R3HDM1: variants seen among roughly 807,000 people sequenced by gnomAD.
R3HDM1 encodes R3H domain containing 1, also known as R3H domain-containing protein 1.
In R3HDM1, 46 loss-of-function variants were observed where a neutral mutation model predicts 141.1. That is an observed-to-expected ratio of 0.33 (90% CI 0.26 to 0.42). The LOEUF (loss-of-function observed/expected upper bound fraction) is 0.42, where lower values mean the gene tolerates loss of function less well. Among genes scored for constraint, R3HDM1 ranks in the 10% least tolerant of loss-of-function variants. The probability of loss-of-function intolerance (pLI) is 1.00; values close to 1 mark genes in which losing one functional copy is unlikely to be tolerated. For synonymous variants in R3HDM1, 435 were observed against 472.9 expected, an observed-to-expected ratio of 0.92 and a Z score of 1.04; for missense variants, 1,184 against 1,368.3, an observed-to-expected ratio of 0.87 and a Z score of 2.12.
At chr2:135,619,021 C>CA (rs34537777) in intron 5 of R3HDM1, among the ~76,000 whole-genome samples, 19,913 of 112,124 alleles carry the variant, frequency 0.18, 2,174 homozygotes, top group Non-Finnish European at 0.28. Context: ...ACTCTTATCT[C>CA]AAAAAAAAAA....
At chr2:135,621,894 T>G in intron 6 of R3HDM1, 1 of 976,812 alleles carries the variant, frequency 1.0e-6, no homozygotes, top group Non-Finnish European at 1.2e-6. Flanking sequence ...ATAATTTTTA[T>G]ATTGATTCAT....
At chr2:135,602,796 C>G (rs1328480143) in intron 2 of R3HDM1, 88 bp downstream of exon 2, 7 of 1,114,630 alleles carry the variant, frequency 6.3e-6, no homozygotes, top group Non-Finnish European at 7.2e-6. Flanking sequence ...TAAGTAACTT[C>G]ACCACCCTCT....
At chr2:135,532,692 A>T (rs1695171742) in intron 1 of R3HDM1, among the ~76,000 whole-genome samples, 1 of 152,200 alleles carries the variant, frequency 6.6e-6, no homozygotes. Context: ...CTGAAAGTCT[A>T]CCCATTTATA....
At chr2:135,576,056 G>A (rs1387501030) in intron 1 of R3HDM1, among the ~76,000 whole-genome samples, 1 of 152,066 alleles carries the variant, frequency 6.6e-6, no homozygotes, top group Non-Finnish European at 1.5e-5. Context: ...ATAGAGAAGT[G>A]GAATAGAAAG....
At chr2:135,550,818 A>G (rs1021585370) in intron 1 of R3HDM1, among the ~76,000 whole-genome samples, 1 of 152,174 alleles carries the variant, frequency 6.6e-6, no homozygotes, top group African/African-American at 2.4e-5. Flanking sequence ...GAATCAAGTC[A>G]ATTAATGTGC....
At chr2:135,537,864 A>G (rs574540020) in intron 1 of R3HDM1, among the ~76,000 whole-genome samples, 1 of 152,112 alleles carries the variant, frequency 6.6e-6, no homozygotes, top group Admixed American at 6.6e-5. Flanking sequence ...TGCTTCCTTC[A>G]TACAGAACTA....
At chr2:135,614,764 C>T (rs1337252183) in intron 3 of R3HDM1, among the ~76,000 whole-genome samples, 1 of 151,976 alleles carries the variant, frequency 6.6e-6, no homozygotes, top group Non-Finnish European at 1.5e-5. Context: ...TTCTTCAGAA[C>T]TCATTTAGGT....
At chr2:135,556,659 C>A (rs1700827097) in intron 1 of R3HDM1, among the ~76,000 whole-genome samples, 3 of 151,948 alleles carry the variant, frequency 2.0e-5, no homozygotes. Flanking sequence ...GCTGGGACTA[C>A]AAGCACCCAC....
intron 21 of R3HDM1, among the ~76,000 whole-genome samples, chr2:135,701,223 CA>C (rs748354211): frequency 0.3 from 24,730 of 82,420 alleles, 3,363 homozygotes; most frequent in African/African-American, 0.5. Flanking sequence ...TCATCTCTAC[CA>C]AAAAAAAAAA....
chr2:135,571,133 A>C (rs903326192), intron 1 of R3HDM1, among the ~76,000 whole-genome samples: 5 of 152,164 alleles, frequency 3.3e-5, no homozygotes, highest in African/African-American at 1.2e-4. Context: ...TTGTTGAAAA[A>C]TGTTTTTCAA....
chr2:135,598,370 C>A (rs188640278), intron 1 of R3HDM1, among the ~76,000 whole-genome samples: 346 of 152,230 alleles, frequency 2.3e-3, no homozygotes, highest in African/African-American at 6.1e-3. Flanking sequence ...TGTACACACA[C>A]AAAAAATACA....
intron 1 of R3HDM1, among the ~76,000 whole-genome samples, chr2:135,595,518 A>T (rs1710446965): frequency 6.6e-6 from 1 of 152,236 alleles, no homozygotes; most frequent in African/African-American, 2.4e-5. Context: ...TCAGCTGCAA[A>T]CTATGTAATA....
Position 135,651,942 on chromosome 2 carries a change from A to T in R3HDM1, c.1938A>T (p.Pro646=), listed in dbSNP as rs763796431. Residue 646 remains proline, a synonymous_variant, in exon 18 of 27, where the codon CCA becomes CCT. Transcript: ENST00000683871. ...PPPPPLPPGQ[P]VPTAGYPASG... ...CTCCTCCCCTACCACCTGGGCAGCC[A>T]GTCCCTACTGCTGGATATCCTGCCT... 6.2e-7 allele frequency: 1 copy of T among 1,604,936 alleles called. No individual in the cohort carries two copies. The highest frequency in any genetic ancestry group is 1.1e-5 in the South Asian group (1 of 90,842).
chr2:135,654,650 T>G (rs759339114), intron 18 of R3HDM1, among the ~76,000 whole-genome samples: 1 of 152,118 alleles, frequency 6.6e-6, no homozygotes, highest in Non-Finnish European at 1.5e-5. Flanking sequence ...GGTTTCACCA[T>G]GTTGGCCAGG....
intron 1 of R3HDM1, among the ~76,000 whole-genome samples, chr2:135,549,500 G>T (rs1257914980): frequency 6.8e-6 from 1 of 147,138 alleles, no homozygotes; most frequent in Admixed American, 6.9e-5. Flanking sequence ...GGCGGATATT[G>T]CAGTAAGCCG....
intron 1 of R3HDM1, among the ~76,000 whole-genome samples, chr2:135,553,610 C>T (rs978207779): frequency 2.0e-5 from 3 of 152,142 alleles, no homozygotes; most frequent in African/African-American, 4.8e-5. Context: ...TGTATATAAC[C>T]TGACTTATAT....
At chr2:135,617,482 C>T (rs1012088697) in intron 5 of R3HDM1, among the ~76,000 whole-genome samples, 2 of 151,884 alleles carry the variant, frequency 1.3e-5, no homozygotes, top group African/African-American at 2.4e-5. Flanking sequence ...GGTTATTTAA[C>T]GTAACCTGAA....
At chr2:135,667,752 CT>C in intron 19 of R3HDM1, 1 of 982,162 alleles carries the variant, frequency 1.0e-6, no homozygotes, top group Non-Finnish European at 1.2e-6. Flanking sequence ...CCTTCTCCCT[CT>C]TTTCCAGATC....
intron 1 of R3HDM1, among the ~76,000 whole-genome samples, chr2:135,578,408 A>C (rs1268372185): frequency 6.6e-6 from 1 of 152,206 alleles, no homozygotes; most frequent in African/African-American, 2.4e-5. Flanking sequence ...GATTGGGAGT[A>C]ATGGGAATAA....
Sources: allele counts gnomAD v4.1 joint callset (sites outside exome capture counted in the v4.1 genomes callset), GRCh38; gene constraint gnomAD v4.1.1; transcripts MANE v1.5; gene names NCBI Gene and HGNC (gene_info 2026-07-23, HGNC 2026-07-21).